GATA4: variants seen among roughly 807,000 people sequenced by gnomAD.
GATA4 encodes GATA binding protein 4.
Under a neutral mutation model 37.9 loss-of-function variants are expected in GATA4, and 7 were observed. That is an observed-to-expected ratio of 0.18 (90% CI 0.11 to 0.35). GATA4 has a LOEUF of 0.35. Among genes scored for constraint, GATA4 ranks in the 10% least tolerant of loss-of-function variants. GATA4 has a pLI of 1.00. For synonymous variants in GATA4, 372 were observed against 292.6 expected, an observed-to-expected ratio of 1.27 and a Z score of -2.77; for missense variants, 647 against 653.0, an observed-to-expected ratio of 0.99 and a Z score of 0.10.
At chr8:11,739,534 C>T (rs571510578) in intron 2 of GATA4, among the ~76,000 whole-genome samples, 1 of 149,326 alleles carries the variant, frequency 6.7e-6, no homozygotes, top group Non-Finnish European at 1.5e-5. Flanking sequence ...CACACACACA[C>T]GGAAACTTCT....
At chr8:11,732,540 C>G (rs1801260715) in intron 2 of GATA4, among the ~76,000 whole-genome samples, 2 of 152,292 alleles carry the variant, frequency 1.3e-5, no homozygotes, top group Admixed American at 1.3e-4. Context: ...CACCAAAAAA[C>G]TAACTGCTAT....
intron 1 of GATA4, among the ~76,000 whole-genome samples, chr8:11,684,752 GT>G (rs1375528845): frequency 6.6e-6 from 1 of 152,132 alleles, no homozygotes; most frequent in Non-Finnish European, 1.5e-5. Flanking sequence ...TGTTCTCCTT[GT>G]TTTTGTTTGG....
At chr8:11,698,498 C>G (rs924578717) in intron 1 of GATA4, among the ~76,000 whole-genome samples, 1 of 152,142 alleles carries the variant, frequency 6.6e-6, no homozygotes. Context: ...TGGTCTCTGC[C>G]TGTCCTCCTC....
intron 2 of GATA4, among the ~76,000 whole-genome samples, chr8:11,733,959 C>T (rs1341387188): frequency 6.6e-6 from 1 of 152,224 alleles, no homozygotes; most frequent in Non-Finnish European, 1.5e-5. Context: ...ACGAGGCTGG[C>T]ATGAACCACA....
upstream of GATA4, among the ~76,000 whole-genome samples, chr8:11,699,931 T>C (rs1799619989): frequency 6.6e-6 from 1 of 152,164 alleles, no homozygotes; most frequent in Non-Finnish European, 1.5e-5. Context: ...TAAAAATACG[T>C]TTTCATGGTA....
intron 2 of GATA4, among the ~76,000 whole-genome samples, chr8:11,745,857 A>C (rs922358917): frequency 6.6e-6 from 1 of 152,208 alleles, no homozygotes; most frequent in East Asian, 1.9e-4. Flanking sequence ...CAGTAACACA[A>C]TGTGGGGGAA....
At position 11,759,841 on chromosome 8, in the gene GATA4, T is replaced by C. The variant is rs1802806522; in HGVS notation, c.*1366T>C. 6.6e-6 allele frequency: 1 copy of C among 152,524 alleles called. No homozygotes were observed. The highest frequency in any genetic ancestry group is 6.5e-5 in the Admixed American group (1 of 15,290). The allele number at this position is 152,524 out of a possible 1,614,324, so 9.4% of individuals were successfully genotyped here. ...AAATCCTACTGGCTGTAGCAGAGAA[T>C]ACCTTTGAACCAAGATTCTGTTTTA... On this transcript the variant is annotated 3_prime_UTR_variant, in exon 7 of 7. Coordinates refer to ENST00000532059, the MANE Select transcript of GATA4 (RefSeq NM_001308093.3).
chr8:11,728,907 G>C (rs1398940590), intron 2 of GATA4, among the ~76,000 whole-genome samples: 2 of 152,118 alleles, frequency 1.3e-5, no homozygotes, highest in Non-Finnish European at 2.9e-5. Context: ...AGACTAATTG[G>C]GGTTATAGTC....
At chr8:11,737,475 C>T (rs1042068495) in intron 2 of GATA4, among the ~76,000 whole-genome samples, 7 of 152,366 alleles carry the variant, frequency 4.6e-5, no homozygotes, top group African/African-American at 1.7e-4. Context: ...ACTGGGGTTG[C>T]AGAGTCAAAT....
chr8:11,734,775 C>T (rs539444273), intron 2 of GATA4, among the ~76,000 whole-genome samples: 1 of 152,162 alleles, frequency 6.6e-6, no homozygotes, highest in South Asian at 2.1e-4. Context: ...CAAGAGTGAG[C>T]CACCGTGCCC....
At chr8:11,701,744 T>A (rs530386738), upstream of GATA4, among the ~76,000 whole-genome samples, 6 of 152,132 alleles carry the variant, frequency 3.9e-5, no homozygotes, top group South Asian at 1.2e-3. Context: ...AACATAATTT[T>A]CTCTGTCCCA....
intron 1 of GATA4, among the ~76,000 whole-genome samples, chr8:11,693,343 G>C (rs1799386791): frequency 6.6e-6 from 1 of 152,092 alleles, no homozygotes; most frequent in South Asian, 2.1e-4. Context: ...GCGCGCCTGT[G>C]GTCCTGCTGG....
intron 2 of GATA4, among the ~76,000 whole-genome samples, chr8:11,713,279 T>C (rs1800281394): frequency 6.6e-6 from 1 of 152,152 alleles, no homozygotes; most frequent in South Asian, 2.1e-4. Context: ...CTAAGACAAA[T>C]GTTAAAATCA....
chr8:11,701,261 AAAAG>A (rs200265641), upstream of GATA4, among the ~76,000 whole-genome samples: 1 of 139,246 alleles, frequency 7.2e-6, no homozygotes, highest in Non-Finnish European at 1.6e-5. Flanking sequence ...AAAAAAAAAA[AAAAG>A]TCAAAGACGT....
chr8:11,735,155 T>C (rs540499841), intron 2 of GATA4, among the ~76,000 whole-genome samples: 9 of 152,322 alleles, frequency 5.9e-5, no homozygotes, highest in African/African-American at 1.7e-4. Flanking sequence ...AAAACAAAGA[T>C]TTGAAAAAGC....
At chr8:11,757,545 G>A (rs1802659772) in intron 6 of GATA4, among the ~76,000 whole-genome samples, 1 of 152,220 alleles carries the variant, frequency 6.6e-6, no homozygotes, top group African/African-American at 2.4e-5. Flanking sequence ...TACGTGCAGG[G>A]AGGTTAGACT....
Position 11,708,676 on chromosome 8 carries a change from G to T in GATA4, c.364G>T (p.Ala122Ser). The change falls in exon 2 of 7, where the codon GCC becomes TCC. Residue 122 changes from alanine (A) to serine (S), a missense_variant. Ala to Ser is a moderately conservative substitution (Grantham distance 99). Transcript: ENST00000532059. The surrounding 1 kb of genome is among the most constrained non-coding windows in gnomAD (Gnocchi z 6.7). ...CACCGGGTCCCTGGCGGCCGCCGCCGCCGCTGCCGCGGCCCGGGAAGCTGC... is the reference window on the plus strand; with the variant it reads ...CACCGGGTCCCTGGCGGCCGCCGCCTCCGCTGCCGCGGCCCGGGAAGCTGC... ...GTTGSLAAAA[A>S]AAAAREAAAY... The T allele has an allele frequency of 7.8e-7, 1 of 1,282,602 alleles. No homozygotes were observed. Among genetic ancestry groups the T allele is most frequent in the South Asian group, 2.6e-5 (1 of 37,832 alleles). The allele number at this position is 1,282,602 out of a possible 1,614,324, so 79.5% of individuals were successfully genotyped here. A position where few individuals can be genotyped will look rare whatever the true frequency, so the allele number is the denominator to read the frequency against.
intron 1 of GATA4, among the ~76,000 whole-genome samples, chr8:11,693,522 AACACACACACACACACAC>A (rs140439542): frequency 3.6e-5 from 4 of 109,962 alleles, no homozygotes; most frequent in Admixed American, 1.9e-4. Flanking sequence ...ATTCAGCACA[AACACACACACACACACAC>A]ACACACACAC....
intron 1 of GATA4, among the ~76,000 whole-genome samples, chr8:11,698,282 C>T (rs1448341904): frequency 1.3e-5 from 2 of 152,140 alleles, no homozygotes; most frequent in Admixed American, 6.5e-5. Flanking sequence ...ACTTATTGTC[C>T]GTTTTTCTCT....
Sources: gnomAD v4.1 joint callset for allele counts (sites outside exome capture counted in the v4.1 genomes callset) on GRCh38, gnomAD v4.1.1 for gene constraint, Gnocchi (gnomAD v3.1) non-coding constraint, MANE v1.5 for transcripts, NCBI Gene and HGNC (gene_info 2026-07-23, HGNC 2026-07-21) for gene names.